Variants in MYH15 observed in about 807,000 individuals in gnomAD.
MYH15 encodes the protein myosin-15.
MYH15 carries 227 observed loss-of-function variants against 240.5 expected under a neutral mutation model. The ratio of observed to expected loss-of-function variants is 0.94; its 90% CI spans 0.85 to 1.05. The LOEUF is 1.05. MYH15 is among the 50% of genes least tolerant of loss of function. The pLI, the probability that MYH15 is intolerant of heterozygous loss-of-function variation, is 0.00. For synonymous variants in MYH15, 785 were observed against 796.7 expected, an observed-to-expected ratio of 0.99 and a Z score of 0.25; for missense variants, 2,217 against 2,247.5, an observed-to-expected ratio of 0.99 and a Z score of 0.27.
chr3:108,387,188 A>G lies in MYH15; in HGVS notation c.5535+1782T>C, dbSNP rs191114965. On this transcript the variant is annotated intron_variant, in intron 38 of 40. Coordinates refer to ENST00000693548, the MANE Select transcript of MYH15 (RefSeq NM_014981.3). ...TGTCCCTTTCAAAATGACATTTTTA[A>G]TTGCACCTAGGAATGGGCTATCACC... 3.3e-5 allele frequency among the ~76,000 whole-genome samples: 5 copies of G among 152,266 alleles called. No individual in the cohort carries two copies. The East Asian group carries it at 9.7e-4, about 29-fold the overall frequency.
rs77247668 is a variant in MYH15, at chr3:108,417,728, A to G, written c.3830-798T>C. On this transcript the variant is annotated intron_variant, in intron 28 of 40. Transcript: ENST00000693548. ...TACCGAGGTCCTACAATTTAACTCA[A>G]TTCTGACACTATTTTCCTGGAGACA... Among the ~76,000 whole-genome samples the G allele has an allele frequency of 2.4e-3, 360 of 151,802 alleles. 9 individuals carry two copies. The East Asian group carries it at 0.057, about 24-fold the overall frequency.
intron 4 of MYH15, 42 bp downstream of exon 4, chr3:108,500,076 A>T (rs370435991): frequency 5.8e-5 from 92 of 1,593,272 alleles, no homozygotes; most frequent in Non-Finnish European, 6.3e-5. Context: ...GAAAAAGTAG[A>T]TCAGATATTT....
intron 25 of MYH15, among the ~76,000 whole-genome samples, chr3:108,432,968 G>A (rs781401064): frequency 3.9e-4 from 59 of 152,158 alleles, no homozygotes; most frequent in Non-Finnish European, 8.8e-5. Flanking sequence ...CTGCCTAGTG[G>A]AAGTGTAAGA....
intron 32 of MYH15, among the ~76,000 whole-genome samples, 172 bp from the exon 33 acceptor site, chr3:108,405,625 T>G (rs1258389535): frequency 6.6e-6 from 1 of 152,214 alleles, no homozygotes; most frequent in Admixed American, 6.5e-5. Flanking sequence ...CTGCTTTCAT[T>G]TGTCATTTCA....
intron 37 of MYH15, among the ~76,000 whole-genome samples, chr3:108,390,769 C>T (rs943887702): frequency 3.3e-5 from 5 of 152,112 alleles, no homozygotes; most frequent in African/African-American, 1.2e-4. Flanking sequence ...ATTTTAGAGA[C>T]TGCTGAGTTT....
chr3:108,425,696 A>T (rs1407948392), intron 27 of MYH15, among the ~76,000 whole-genome samples: 1 of 152,244 alleles, frequency 6.6e-6, no homozygotes, highest in Non-Finnish European at 1.5e-5. Flanking sequence ...TTAAAGAGTA[A>T]GGAGGTAGTG....
At chr3:108,508,448 G>A (rs2083495639) in intron 1 of MYH15, among the ~76,000 whole-genome samples, 1 of 152,186 alleles carries the variant, frequency 6.6e-6, no homozygotes, top group Non-Finnish European at 1.5e-5. Flanking sequence ...GGCTTTGCTG[G>A]TAAAAAGATA....
In MYH15 at chr3:108,510,558, G is replaced by A; in HGVS notation, c.-28C>T. The A allele has an allele frequency of 6.2e-7, 1 of 1,611,322 alleles. No individual in the cohort carries two copies. The highest frequency in any genetic ancestry group is 1.1e-5 in the South Asian group (1 of 90,786). ...TTATTAAAGCAATCCACCAAAAAAA[G>A]GCCCTAAACGTGAGTAGGCAAGATT... On this transcript the variant is annotated 5_prime_UTR_variant, in exon 1 of 41. Transcript: ENST00000693548.
intron 15 of MYH15, among the ~76,000 whole-genome samples, chr3:108,463,857 G>A (rs976052138): frequency 9.9e-5 from 15 of 151,850 alleles, no homozygotes; most frequent in African/African-American, 3.1e-4. Flanking sequence ...GGGGGAGAGA[G>A]CAACAGAGAG....
At chr3:108,433,208 A>T (rs1157238257) in intron 25 of MYH15, among the ~76,000 whole-genome samples, 4 of 152,236 alleles carry the variant, frequency 2.6e-5, no homozygotes, top group Non-Finnish European at 4.4e-5. Flanking sequence ...TTAGGATTTG[A>T]CTGCTCTGCT....
At position 108,423,025 on chromosome 3, in the gene MYH15, A is replaced by C. The variant is rs559848585; in HGVS notation, c.3703-1811T>G. ...TCCCCGGCCACAAAAAATCAGGCTC[A>C]CAGACAATTTGAATGGTGAGTAAGA... is the stretch of plus-strand genomic sequence containing the variant. On this transcript the variant is annotated intron_variant, in intron 27 of 40. Transcript: ENST00000693548. Among the ~76,000 whole-genome samples, 3 of 152,320 alleles carry C rather than the reference A, an allele frequency of 2.0e-5. No individual in the cohort carries two copies. The South Asian group carries it at 6.2e-4, about 32-fold the overall frequency.
In MYH15 at chr3:108,463,160, G is replaced by A. The variant is rs1346180834; in HGVS notation, c.1815C>T (p.Ser605=). The change falls in exon 16 of 41, where the codon TCC becomes TCT. Residue 605 remains serine, a synonymous_variant. Coordinates refer to ENST00000693548, the MANE Select transcript of MYH15 (RefSeq NM_014981.3). The stretch of plus-strand genomic sequence containing the variant: ...CAAAAAGGCTCGCCAGGAGTCTGTT[G>A]GAAGACTTCTGAAATACAGCTACCA... ...ETVVAVFQKS[S]NRLLASLFEN... 1.9e-6 allele frequency: 3 copies of A among 1,612,718 alleles called. No homozygotes were observed. The highest frequency in any genetic ancestry group is 2.5e-6 in the Non-Finnish European group (3 of 1,179,330).
At chr3:108,400,453 C>T (rs141845919) in intron 33 of MYH15, among the ~76,000 whole-genome samples, 2,031 of 152,222 alleles carry the variant, frequency 0.013, 30 homozygotes, top group African/African-American at 0.046. Context: ...AGCCTATCTC[C>T]ACAAATCAGA....
intron 26 of MYH15, among the ~76,000 whole-genome samples, 153 bp downstream of exon 26, chr3:108,430,679 C>A (rs1170364100): frequency 6.6e-6 from 1 of 152,152 alleles, no homozygotes; most frequent in Non-Finnish European, 1.5e-5. Flanking sequence ...CTGTGGAATG[C>A]CACAGTTTCC....
chr3:108,420,391 G>A (rs1340607620), intron 28 of MYH15, among the ~76,000 whole-genome samples: 1 of 152,190 alleles, frequency 6.6e-6, no homozygotes, highest in East Asian at 1.9e-4. Flanking sequence ...TTGAGGAAAT[G>A]AGTTGACAGT....
At chr3:108,388,151 CAT>C (rs2082397445) in intron 38 of MYH15, among the ~76,000 whole-genome samples, 1 of 152,156 alleles carries the variant, frequency 6.6e-6, no homozygotes, top group Non-Finnish European at 1.5e-5. Flanking sequence ...AACAAGCTAT[CAT>C]GTGCAGTGTG....
intron 10 of MYH15, 54 bp downstream of exon 10, chr3:108,486,368 CT>C: frequency 7.0e-7 from 1 of 1,426,558 alleles, no homozygotes; most frequent in Non-Finnish European, 9.8e-7. Flanking sequence ...AAGATTCTGT[CT>C]TTCATTTCTC....
chr3:108,437,824 C>A, intron 24 of MYH15, 125 bp from the exon 25 acceptor site: 1 of 955,824 alleles, frequency 1.0e-6, no homozygotes, highest in Non-Finnish European at 1.5e-6. Context: ...AAATGATGCC[C>A]AGTAACATAG....
intron 9 of MYH15, among the ~76,000 whole-genome samples, chr3:108,490,003 C>T (rs2083334606): frequency 6.6e-6 from 1 of 152,204 alleles, no homozygotes; most frequent in African/African-American, 2.4e-5. Context: ...TCAGATGCTT[C>T]TATTAGTAAA....
Sources: gnomAD v4.1 joint callset for allele counts (sites outside exome capture counted in the v4.1 genomes callset) on GRCh38, gnomAD v4.1.1 for gene constraint, MANE v1.5 for transcripts, NCBI Gene and HGNC (gene_info 2026-07-23, HGNC 2026-07-21) for gene names.